The following GRIN2A variants were observed in gnomAD, a reference collection of about 807,000 sequenced individuals.
The protein encoded by GRIN2A is glutamate ionotropic receptor NMDA type subunit 2A, also known as glutamate receptor ionotropic, NMDA 2A.
A neutral mutation model predicts 113.4 loss-of-function variants in GRIN2A; 22 were observed. The observed-to-expected ratio is 0.19, with a 90% CI of 0.14 to 0.28. The LOEUF is 0.28. GRIN2A is among the 10% of genes least tolerant of loss of function. The pLI is 1.00. For synonymous variants in GRIN2A, 827 were observed against 738.4 expected (o/e 1.12, Z -1.94); for missense variants, 1,502 against 1,887.0 (o/e 0.80, Z 3.78).
chr16:9,855,911 C>T (rs2042959098), intron 4 of GRIN2A, among the ~76,000 whole-genome samples: 1 of 152,196 alleles, frequency 6.6e-6, no homozygotes, highest in African/African-American at 2.4e-5. Context: ...AACAGTGGTA[C>T]TCAAATCTGA....
At chr16:9,766,335 A>T (rs1167018280) in intron 12 of GRIN2A, among the ~76,000 whole-genome samples, 2 of 152,172 alleles carry the variant, frequency 1.3e-5, no homozygotes, top group Non-Finnish European at 2.9e-5. Flanking sequence ...CGGAACTGTG[A>T]CAGCCTCAAC....
chr16:10,111,855 C>A lies in GRIN2A; in HGVS notation c.414+68143G>T, dbSNP rs1026091837. The A allele has an allele frequency of 9.6e-5, 100 of 1,041,458 alleles. No homozygotes were observed. The South Asian group carries it at 1.2e-3, about 13-fold the overall frequency. The allele number at this position is 1,041,458 out of a possible 1,614,324, so 64.5% of individuals were successfully genotyped here. A position where few individuals can be genotyped will look rare whatever the true frequency, so the allele number is the denominator to read the frequency against. On this transcript the variant is annotated intron_variant, in intron 2 of 12. Transcript: ENST00000330684. Reference sequence around the variant, plus strand: ...TGGGGAGCAAGTTGGTGGGCATCATCTCCTCCCGAGACATCAACTTTCTTG... The same window carrying A: ...TGGGGAGCAAGTTGGTGGGCATCATATCCTCCCGAGACATCAACTTTCTTG...
chr16:10,105,491 T>TAA lies in GRIN2A; in HGVS notation c.414+74505_414+74506dup, dbSNP rs5815559. On this transcript the variant is annotated intron_variant, in intron 2 of 12. Coordinates refer to ENST00000330684, the MANE Select transcript of GRIN2A (RefSeq NM_001134407.3). The stretch of plus-strand genomic sequence containing the variant: ...AATTTTCAAACATAAGAAAACCATG[T>TAA]AAAAAAAAAAAATCAATGGGGGAGG... Among the ~76,000 whole-genome samples, 58 of 147,782 alleles carry TAA rather than the reference T, an allele frequency of 3.9e-4. No homozygotes were observed. The South Asian group carries it at 9.2e-3, about 23-fold the overall frequency.
chr16:10,166,096 C>T (rs531006415), intron 2 of GRIN2A, among the ~76,000 whole-genome samples: 2 of 152,260 alleles, frequency 1.3e-5, no homozygotes, highest in Admixed American at 1.3e-4. Flanking sequence ...GATATCTTAG[C>T]ATTAAAACAA....
At chr16:10,000,820 T>G (rs1251786216) in intron 2 of GRIN2A, among the ~76,000 whole-genome samples, 1 of 152,184 alleles carries the variant, frequency 6.6e-6, no homozygotes, top group Non-Finnish European at 1.5e-5. Flanking sequence ...GGTGCAATAC[T>G]GCATATCTTC....
In GRIN2A at chr16:9,762,436, T is replaced by A. The variant is rs1267238987; in HGVS notation, c.*713A>T. On this transcript the variant is annotated 3_prime_UTR_variant, in exon 13 of 13. Transcript: ENST00000330684. ...AAACACACATCAACATCCAAAGAGA[T>A]TCCTGTAGCTCTCCCCACCTGAGGG... 9.0e-6 allele frequency: 2 copies of A among 222,984 alleles called. No homozygotes were observed. Among genetic ancestry groups the A allele is most frequent in the Non-Finnish European group, 1.8e-5 (2 of 111,282 alleles). The allele number at this position is 222,984 out of a possible 1,614,324, so 13.8% of individuals were successfully genotyped here. A position where few individuals can be genotyped will look rare whatever the true frequency, so the allele number is the denominator to read the frequency against.
intron 10 of GRIN2A, among the ~76,000 whole-genome samples, chr16:9,799,923 T>G (rs899132655): frequency 6.6e-6 from 1 of 151,774 alleles, no homozygotes; most frequent in Non-Finnish European, 1.5e-5. Flanking sequence ...CCCCAGAAAA[T>G]AAGCATCAGG....
intron 2 of GRIN2A, among the ~76,000 whole-genome samples, chr16:10,161,397 A>C (rs749699016): frequency 6.6e-6 from 1 of 152,210 alleles, no homozygotes; most frequent in Non-Finnish European, 1.5e-5. Flanking sequence ...CAGTGTGAGA[A>C]CGAACTAATA....
intron 10 of GRIN2A, among the ~76,000 whole-genome samples, chr16:9,800,687 G>A (rs1903305145): frequency 1.3e-5 from 2 of 152,040 alleles, no homozygotes. Flanking sequence ...TCTCAAGGTA[G>A]GGGTATCAGA....
At chr16:10,076,610 C>G (rs13331465) in intron 2 of GRIN2A, among the ~76,000 whole-genome samples, 1 of 152,024 alleles carries the variant, frequency 6.6e-6, no homozygotes, top group Non-Finnish European at 1.5e-5. Flanking sequence ...AGAGCACTCT[C>G]TGGGGTGTGG....
rs534550826 is a variant in GRIN2A at position 10,112,361 on chromosome 16, C to T, written c.414+67637G>A. 4 of 664,990 alleles carry T rather than the reference C, an allele frequency of 6.0e-6. No individual in the cohort carries two copies. In the South Asian group the frequency reaches 6.6e-5, roughly 11 times the overall value. 41.2% of individuals were successfully genotyped at this position (664,990 alleles called of 1,614,324 possible). Reference sequence around the variant, plus strand: ...GACTGCATGTAGTTATGGGCTGCAGCTCTATCTGCATCACCCAGGAAGTGA... The same window carrying T: ...GACTGCATGTAGTTATGGGCTGCAGTTCTATCTGCATCACCCAGGAAGTGA... On this transcript the variant is annotated intron_variant, in intron 2 of 12. Transcript: ENST00000330684.
intron 9 of GRIN2A, among the ~76,000 whole-genome samples, chr16:9,824,188 A>T (rs2042342656): frequency 6.6e-6 from 1 of 152,176 alleles, no homozygotes; most frequent in Non-Finnish European, 1.5e-5. Flanking sequence ...TCCAAATGAG[A>T]TCCTCCTGCC....
rs1596476657 is a variant in GRIN2A at position 9,834,220 on chromosome 16, G to A, written c.1662C>T (p.Ser554=). Reference sequence around the variant, plus strand: ...CAAACATCATCACCCAGACAGAGGCGCTGAATGGTTCTGCAAATAAACAGA... The same window carrying A: ...CAAACATCATCACCCAGACAGAGGCACTGAATGGTTCTGCAAATAAACAGA... ...VSPSAFLEPF[S]ASVWVMMFVM... Residue 554 remains serine (S), a synonymous_variant, in exon 8 of 13, where the codon AGC becomes AGT. Coordinates refer to ENST00000330684, the MANE Select transcript of GRIN2A (RefSeq NM_001134407.3). The A allele has an allele frequency of 6.8e-6, 11 of 1,613,754 alleles. No individual in the cohort carries two copies. The highest frequency in any genetic ancestry group is 5.3e-5 in the African/African-American group (4 of 74,994).
Position 9,877,318 on chromosome 16 carries a change from C to T in GRIN2A, c.1122+13668G>A, listed in dbSNP as rs143704149. Among the ~76,000 whole-genome samples, 12 of 152,272 alleles carry T rather than the reference C, an allele frequency of 7.9e-5. No homozygotes were observed. In the East Asian group the frequency reaches 2.3e-3, roughly 29 times the overall value. On this transcript the variant is annotated intron_variant, in intron 4 of 12. Coordinates refer to ENST00000330684, the MANE Select transcript of GRIN2A (RefSeq NM_001134407.3). ...TTACGTCATATTCAGACAACTACTA[C>T]AGTCAATCTCCTTCCTCTACTTGCT... is the stretch of plus-strand genomic sequence containing the variant.
At chr16:9,949,639 G>C (rs1243166223) in intron 2 of GRIN2A, among the ~76,000 whole-genome samples, 1 of 151,624 alleles carries the variant, frequency 6.6e-6, no homozygotes, top group Non-Finnish European at 1.5e-5. Flanking sequence ...TGAATGGAGA[G>C]ATGGGATAAA....
At chr16:9,882,052 A>AAC (rs141535521) in intron 4 of GRIN2A, among the ~76,000 whole-genome samples, 5,731 of 150,098 alleles carry the variant, frequency 0.038, 361 homozygotes, top group African/African-American at 0.13. Flanking sequence ...ACACACACAC[A>AAC]ACACACACAC....
intron 2 of GRIN2A, among the ~76,000 whole-genome samples, chr16:10,073,806 C>T (rs1244103037): frequency 6.6e-6 from 1 of 151,164 alleles, no homozygotes; most frequent in Non-Finnish European, 1.5e-5. Flanking sequence ...ATCCCAGCTA[C>T]TCAGGAGGCT....
intron 3 of GRIN2A, among the ~76,000 whole-genome samples, chr16:9,898,582 C>G (rs1378187766): frequency 6.6e-6 from 1 of 152,126 alleles, no homozygotes; most frequent in Non-Finnish European, 1.5e-5. Flanking sequence ...TTTAGTGTTT[C>G]TCAATTTTCG....
rs1422694162 is a variant in GRIN2A at position 9,762,286 on chromosome 16, G to A, written c.*863C>T. The stretch of plus-strand genomic sequence containing the variant: ...AGGAAATGCAAACTTACGTACATAG[G>A]CGTCTTCGGGATAAACTACAATGGC... On this transcript the variant is annotated 3_prime_UTR_variant, in exon 13 of 13. Coordinates refer to ENST00000330684, the MANE Select transcript of GRIN2A (RefSeq NM_001134407.3). 1 of 226,116 alleles carries A rather than the reference G, an allele frequency of 4.4e-6. No homozygotes were observed. The highest frequency in any genetic ancestry group is 8.8e-6 in the Non-Finnish European group (1 of 113,426). The allele number at this position is 226,116 out of a possible 1,614,324, so 14.0% of individuals were successfully genotyped here. A position where few individuals can be genotyped will look rare whatever the true frequency, so the allele number is the denominator to read the frequency against.
Sources: allele counts gnomAD v4.1 joint callset (sites outside exome capture counted in the v4.1 genomes callset), GRCh38; gene constraint gnomAD v4.1.1; transcripts MANE v1.5; gene names NCBI Gene and HGNC (gene_info 2026-07-23, HGNC 2026-07-21).